The following RBFOX1 variants were observed in gnomAD, a reference collection of about 807,000 sequenced individuals.
The protein encoded by RBFOX1 is RNA binding fox-1 homolog 1.
Under a neutral mutation model 57.7 loss-of-function variants are expected in RBFOX1, and 8 were observed. That is an observed-to-expected ratio of 0.14 (90% CI 0.08 to 0.25). The LOEUF (loss-of-function observed/expected upper bound fraction) is 0.25, where lower values mean the gene tolerates loss of function less well. Among genes scored for constraint, RBFOX1 ranks in the 10% least tolerant of loss-of-function variants. The pLI is 1.00. For missense variants in RBFOX1, 611 were observed against 548.5 expected, an observed-to-expected ratio of 1.11 and a Z score of -1.14; for synonymous variants, 326 against 222.4, an observed-to-expected ratio of 1.47 and a Z score of -4.15.
At chr16:6,641,400 T>A (rs75631405) in intron 2 of RBFOX1, among the ~76,000 whole-genome samples, 1 of 152,132 alleles carries the variant, frequency 6.6e-6, no homozygotes, top group African/African-American at 2.4e-5. Flanking sequence ...ATTGCTGTTT[T>A]GTTTTGGTGC....
intron 3 of RBFOX1, among the ~76,000 whole-genome samples, chr16:6,685,273 CTTTTTTT>C (rs202226687): frequency 1.6e-4 from 18 of 111,570 alleles, no homozygotes; most frequent in Non-Finnish European, 1.9e-4. Flanking sequence ...GAGAGTTTTT[CTTTTTTT>C]TTTTTTTTTT....
chr16:6,929,632 C>T (rs1040611318), intron 3 of RBFOX1, among the ~76,000 whole-genome samples: 3 of 152,140 alleles, frequency 2.0e-5, no homozygotes, highest in Non-Finnish European at 4.4e-5. Context: ...TTCAATTTTT[C>T]TCACCTTTAG....
intron 5 of RBFOX1, among the ~76,000 whole-genome samples, chr16:7,568,593 T>A (rs11639742): frequency 0.39 from 59,360 of 151,842 alleles, 12,114 homozygotes; most frequent in South Asian, 0.54. Flanking sequence ...GTGACTTAGA[T>A]TGCCTTAACT....
At chr16:6,795,306 G>A (rs1272892924) in intron 3 of RBFOX1, among the ~76,000 whole-genome samples, 4 of 152,050 alleles carry the variant, frequency 2.6e-5, no homozygotes, top group African/African-American at 9.7e-5. Context: ...ATCTAATTCA[G>A]TGATTTTTCC....
At position 6,314,382 on chromosome 16, in the gene RBFOX1, T is replaced by C. The variant is rs12925744; in HGVS notation, c.-126-2613T>C. Among the ~76,000 whole-genome samples the C allele has an allele frequency of 4.0e-3, 610 of 152,254 alleles. 7 individuals are homozygous for C. Among genetic ancestry groups the C allele is most frequent in the Admixed American group, 6.5e-3 (99 of 15,288 alleles). ...GAAAGGATGTATATTCTGCTTCTGA[T>C]AGAAGAATATGCCAATGGCCATAGG... On this transcript the variant is annotated intron_variant, in intron 1 of 15. Coordinates refer to ENST00000550418, the MANE Select transcript of RBFOX1 (RefSeq NM_018723.4).
At chr16:6,262,146 C>G (rs2097705336) in intron 1 of RBFOX1, among the ~76,000 whole-genome samples, 1 of 152,148 alleles carries the variant, frequency 6.6e-6, no homozygotes, top group Non-Finnish European at 1.5e-5. Context: ...TTGCGGTATT[C>G]CACCATCCAG....
intron 1 of RBFOX1, among the ~76,000 whole-genome samples, chr16:5,464,508 C>A (rs1339449703): frequency 6.6e-6 from 1 of 152,224 alleles, no homozygotes; most frequent in African/African-American, 2.4e-5. Flanking sequence ...GGAACCCAGG[C>A]ACTGAGGAGT....
chr16:7,571,205 T>G (rs1044928305), intron 5 of RBFOX1, among the ~76,000 whole-genome samples: 2 of 128,274 alleles, frequency 1.6e-5, no homozygotes, highest in Non-Finnish European at 3.5e-5. Context: ...ACTCCAGAAC[T>G]TAAGGAAGAA....
intron 1 of RBFOX1, among the ~76,000 whole-genome samples, chr16:6,049,547 G>A (rs192697250): frequency 6.6e-6 from 1 of 152,162 alleles, no homozygotes; most frequent in East Asian, 1.9e-4. Flanking sequence ...ATTTCAGGTT[G>A]CATCTCTAAA....
At chr16:5,939,144 T>A (rs1250384606) in intron 4 of RBFOX1, among the ~76,000 whole-genome samples, 1 of 152,104 alleles carries the variant, frequency 6.6e-6, no homozygotes, top group Non-Finnish European at 1.5e-5. Context: ...CTCATGTAAA[T>A]GATGAATTAA....
chr16:6,854,793 A>C (rs1410518723), intron 3 of RBFOX1, among the ~76,000 whole-genome samples: 1 of 151,672 alleles, frequency 6.6e-6, no homozygotes, highest in African/African-American at 2.4e-5. Flanking sequence ...ACGGGGTTTC[A>C]CCATGTTAGC....
chr16:5,734,914 A>C (rs2052517152), intron 3 of RBFOX1, among the ~76,000 whole-genome samples: 2 of 152,176 alleles, frequency 1.3e-5, no homozygotes, highest in African/African-American at 4.8e-5. Context: ...GATTTTAAAC[A>C]CTTTCTAGCA....
chr16:7,231,466 C>G (rs1024987104), intron 4 of RBFOX1, among the ~76,000 whole-genome samples: 1 of 152,148 alleles, frequency 6.6e-6, no homozygotes, highest in African/African-American at 2.4e-5. Flanking sequence ...CCTAACCAAA[C>G]TTTTAAAAGG....
chr16:6,302,962 C>T (rs2152745803), intron 1 of RBFOX1, among the ~76,000 whole-genome samples: 1 of 152,296 alleles, frequency 6.6e-6, no homozygotes, highest in Non-Finnish European at 1.5e-5. Context: ...GAAGGCACTT[C>T]ACATATTTTA....
At chr16:6,133,843 A>G (rs2152683392) in intron 1 of RBFOX1, among the ~76,000 whole-genome samples, 1 of 152,104 alleles carries the variant, frequency 6.6e-6, no homozygotes, top group South Asian at 2.1e-4. Context: ...ACACACACAC[A>G]CACGTTTGCT....
At chr16:5,672,426 C>T (rs1037594538) in intron 3 of RBFOX1, among the ~76,000 whole-genome samples, 26 of 152,134 alleles carry the variant, frequency 1.7e-4, no homozygotes, top group Non-Finnish European at 4.4e-5. Flanking sequence ...CTTTGCACAT[C>T]CTAGTCTTCA....
At chr16:5,482,218 T>C (rs1030674778) in intron 2 of RBFOX1, among the ~76,000 whole-genome samples, 2 of 152,190 alleles carry the variant, frequency 1.3e-5, no homozygotes, top group African/African-American at 4.8e-5. Context: ...CCATGGAGCA[T>C]CCAGGGTCGG....
At chr16:6,422,525 A>G (rs1243237464) in intron 2 of RBFOX1, among the ~76,000 whole-genome samples, 2 of 152,126 alleles carry the variant, frequency 1.3e-5, no homozygotes, top group East Asian at 3.9e-4. Context: ...TTTTTAAAGA[A>G]GAGAGGTCCA....
At chr16:5,307,265 A>G (rs1310741438) in intron 1 of RBFOX1, among the ~76,000 whole-genome samples, 2 of 152,202 alleles carry the variant, frequency 1.3e-5, no homozygotes, top group African/African-American at 2.4e-5. Context: ...TGCTCACACC[A>G]GGAGACTTTT....
Sources: gnomAD v4.1 joint callset for allele counts (sites outside exome capture counted in the v4.1 genomes callset) on GRCh38, gnomAD v4.1.1 for gene constraint, MANE v1.5 for transcripts, NCBI Gene and HGNC (gene_info 2026-07-23, HGNC 2026-07-21) for gene names.